The following CAST variants were observed in gnomAD, a reference collection of about 807,000 sequenced individuals.
The protein encoded by CAST is MIR583 host.
Under a neutral mutation model 119.6 loss-of-function variants are expected in CAST, and 76 were observed. The ratio of observed to expected loss-of-function variants is 0.64; its 90% CI spans 0.53 to 0.77. The LOEUF is 0.77. Among genes scored for constraint, CAST ranks in the 30% least tolerant of loss-of-function variants. CAST has a pLI of 0.00. For missense variants in CAST, 953 were observed against 946.5 expected (o/e 1.01, Z -0.09); for synonymous variants, 319 against 331.6 (o/e 0.96, Z 0.41).
the CAST span, among the ~76,000 whole-genome samples, chr5:96,172,774 C>T: frequency 6.6e-6 from 1 of 152,164 alleles, no homozygotes; most frequent in East Asian, 1.9e-4. Flanking sequence ...TATAGATCCT[C>T]TAGGAGAGCC....
At chr5:96,692,112 A>G (rs1175082277) in intron 2 of CAST, among the ~76,000 whole-genome samples, 1 of 152,184 alleles carries the variant, frequency 6.6e-6, no homozygotes, top group South Asian at 2.1e-4. Context: ...GAGAGTTTCT[A>G]CTTACTGTGA....
the CAST span, chr5:95,961,433 G>GGCCCTGCCCT: frequency 2.0e-5 from 21 of 1,050,334 alleles, no homozygotes; most frequent in Non-Finnish European, 2.6e-5. Flanking sequence ...CACCCTGCCC[G>GGCCCTGCCCT]GCCCTGCCCT....
chr5:96,434,712 C>T, the CAST span, among the ~76,000 whole-genome samples: 2 of 151,708 alleles, frequency 1.3e-5, no homozygotes, highest in Admixed American at 6.6e-5. Context: ...GGAAAGAAAG[C>T]ATATAAACAA....
the CAST span, among the ~76,000 whole-genome samples, chr5:95,963,380 T>G: frequency 3.3e-5 from 5 of 152,322 alleles, no homozygotes; most frequent in South Asian, 4.1e-4. Context: ...CAGAATGAAT[T>G]GGATTAAGTG....
chr5:96,599,108 C>G lies in CAST; in HGVS notation c.60+69228C>G, dbSNP rs142820316. Among the ~76,000 whole-genome samples the G allele has an allele frequency of 3.1e-3, 476 of 152,302 alleles. 2 individuals carry two copies. Among genetic ancestry groups the G allele is most frequent in the African/African-American group, 0.011 (466 of 41,560 alleles). On this transcript the variant is annotated intron_variant, in intron 1 of 11. Transcript: ENST00000505143. Reference sequence around the variant, plus strand: ...TACTCATTCTGTTTCTCTGAAGAACCCTGACTAATACAATCACTGATATAC... The same window carrying G: ...TACTCATTCTGTTTCTCTGAAGAACGCTGACTAATACAATCACTGATATAC...
the CAST span, among the ~76,000 whole-genome samples, chr5:96,070,064 A>C: frequency 6.6e-6 from 1 of 152,120 alleles, no homozygotes; most frequent in African/African-American, 2.4e-5. Flanking sequence ...TCTCTTCCTT[A>C]GGGAAGGTCA....
intron 1 of CAST, among the ~76,000 whole-genome samples, chr5:96,538,686 A>C (rs892094969): frequency 1.2e-4 from 18 of 151,358 alleles, no homozygotes; most frequent in African/African-American, 4.4e-4. Context: ...TAAAAAAAAA[A>C]CAGAAAATGT....
At chr5:96,109,662 T>C in the CAST span, among the ~76,000 whole-genome samples, 4 of 152,160 alleles carry the variant, frequency 2.6e-5, no homozygotes, top group African/African-American at 9.7e-5. Context: ...AAGGAAGTGT[T>C]CTGGCTTGAA....
chr5:96,074,920 A>G, the CAST span, among the ~76,000 whole-genome samples: 34 of 152,274 alleles, frequency 2.2e-4, no homozygotes, highest in African/African-American at 8.2e-4. Context: ...TAGCTCTTAC[A>G]TGGTGAATAA....
chr5:96,641,685 T>G (rs1055442419), intron 1 of CAST, among the ~76,000 whole-genome samples: 3 of 152,126 alleles, frequency 2.0e-5, no homozygotes, highest in African/African-American at 7.2e-5. Flanking sequence ...CTCTCCCCAG[T>G]TCCTGCCTCT....
chr5:96,637,923 G>A (rs1747904796), intron 1 of CAST, among the ~76,000 whole-genome samples: 1 of 152,196 alleles, frequency 6.6e-6, no homozygotes, highest in Non-Finnish European at 1.5e-5. Context: ...TTTGGAAAGA[G>A]ATGGCTGGAT....
chr5:96,249,768 A>G, the CAST span, among the ~76,000 whole-genome samples: 3 of 152,190 alleles, frequency 2.0e-5, no homozygotes, highest in East Asian at 3.8e-4. Flanking sequence ...GGCATTAGGA[A>G]CTCATAGATT....
the CAST span, among the ~76,000 whole-genome samples, chr5:96,158,809 G>A: frequency 6.6e-6 from 1 of 152,212 alleles, no homozygotes; most frequent in Non-Finnish European, 1.5e-5. Flanking sequence ...GAAAATGATT[G>A]CCAGCACTAT....
At chr5:96,365,351 A>G in the CAST span, among the ~76,000 whole-genome samples, 1 of 152,214 alleles carries the variant, frequency 6.6e-6, no homozygotes, top group Admixed American at 6.5e-5. Context: ...CGCTTGGTGC[A>G]GAGCTGAGTT....
chr5:96,138,202 A>G, the CAST span, among the ~76,000 whole-genome samples: 1 of 151,954 alleles, frequency 6.6e-6, no homozygotes, highest in African/African-American at 2.4e-5. Flanking sequence ...TTTTCTTTTA[A>G]CATATGGTTA....
chr5:96,420,427 C>G, the CAST span, among the ~76,000 whole-genome samples: 1 of 152,156 alleles, frequency 6.6e-6, no homozygotes, highest in Non-Finnish European at 1.5e-5. Flanking sequence ...CAAAGGTACC[C>G]TTGCCAGTGG....
At chr5:96,274,101 T>G in the CAST span, among the ~76,000 whole-genome samples, 1 of 140,128 alleles carries the variant, frequency 7.1e-6, no homozygotes. Flanking sequence ...GAGCCCCAAT[T>G]TTTTTTTTTT....
chr5:96,661,483 G>T (rs1206303000), upstream of CAST, among the ~76,000 whole-genome samples: 1 of 148,372 alleles, frequency 6.7e-6, no homozygotes, highest in Non-Finnish European at 1.5e-5. Flanking sequence ...AAACCCCAAC[G>T]CTGCAGAAAG....
chr5:96,058,864 A>T, the CAST span, among the ~76,000 whole-genome samples: 1 of 152,140 alleles, frequency 6.6e-6, no homozygotes, highest in African/African-American at 2.4e-5. Context: ...CTTATCTCCT[A>T]CAGTCTGAAG....
Sources: gnomAD v4.1 joint callset for allele counts (sites outside exome capture counted in the v4.1 genomes callset) on GRCh38, gnomAD v4.1.1 for gene constraint, MANE v1.5 for transcripts, NCBI Gene and HGNC (gene_info 2026-07-23, HGNC 2026-07-21) for gene names.